GRAMD2B: variants seen among roughly 807,000 people sequenced by gnomAD.
GRAMD2B encodes GRAM domain-containing protein 2B.
A neutral mutation model predicts 59.2 loss-of-function variants in GRAMD2B; 41 were observed. The ratio of observed to expected loss-of-function variants is 0.69; its 90% CI spans 0.54 to 0.90. The LOEUF is 0.90. GRAMD2B is among the 40% of genes least tolerant of loss of function. The probability of loss-of-function intolerance (pLI) is 0.00; values close to 1 mark genes in which losing one functional copy is unlikely to be tolerated. For missense variants in GRAMD2B, 424 were observed against 500.5 expected, an observed-to-expected ratio of 0.85 and a Z score of 1.46; for synonymous variants, 161 against 182.7, an observed-to-expected ratio of 0.88 and a Z score of 0.96.
intron 1 of GRAMD2B, among the ~76,000 whole-genome samples, chr5:126,413,931 T>C (rs930212566): frequency 6.6e-6 from 1 of 152,150 alleles, no homozygotes; most frequent in Non-Finnish European, 1.5e-5. Flanking sequence ...AAGTCACTTG[T>C]CCAACGTAGT....
At chr5:126,492,526 G>T (rs1774135077) in intron 13 of GRAMD2B, among the ~76,000 whole-genome samples, 1 of 151,642 alleles carries the variant, frequency 6.6e-6, no homozygotes, top group Non-Finnish European at 1.5e-5. Flanking sequence ...TTCTAGATCA[G>T]CCTGAGAAAC....
intron 6 of GRAMD2B, among the ~76,000 whole-genome samples, chr5:126,478,675 A>C (rs1244117126): frequency 6.6e-6 from 1 of 152,176 alleles, no homozygotes; most frequent in African/African-American, 2.4e-5. Flanking sequence ...TGGGAGACAG[A>C]GGTTGCAGTG....
At chr5:126,435,039 CT>C (rs370628288) in intron 1 of GRAMD2B, among the ~76,000 whole-genome samples, 177 of 152,244 alleles carry the variant, frequency 1.2e-3, no homozygotes, top group African/African-American at 4.1e-3. Context: ...TGTTCAGTAA[CT>C]TTTATGTGCT....
intron 8 of GRAMD2B, among the ~76,000 whole-genome samples, chr5:126,481,223 GAAAGAAAGA>G (rs1561598961): frequency 1.1e-5 from 1 of 89,074 alleles, no homozygotes; most frequent in Non-Finnish European, 2.3e-5. Flanking sequence ...AAGAAAGAAA[GAAAGAAAGA>G]AAGAAAGAAA....
At chr5:126,475,102 GA>G (rs1279551249) in intron 5 of GRAMD2B, among the ~76,000 whole-genome samples, 2 of 152,094 alleles carry the variant, frequency 1.3e-5, no homozygotes, top group East Asian at 3.8e-4. Context: ...GTTTACCCTG[GA>G]AAAATGTTAC....
intron 1 of GRAMD2B, among the ~76,000 whole-genome samples, chr5:126,408,182 A>G (rs1286395556): frequency 6.6e-6 from 1 of 152,026 alleles, no homozygotes; most frequent in East Asian, 1.9e-4. Flanking sequence ...GCTCCCATGT[A>G]TAAGTGAAAA....
At chr5:126,410,679 A>G (rs916559908) in intron 1 of GRAMD2B, among the ~76,000 whole-genome samples, 4 of 152,190 alleles carry the variant, frequency 2.6e-5, no homozygotes, top group African/African-American at 9.6e-5. Context: ...TTCTTTCCAC[A>G]GTGTCTGAAC....
chr5:126,428,062 G>A (rs966583236), intron 1 of GRAMD2B, among the ~76,000 whole-genome samples: 17 of 152,082 alleles, frequency 1.1e-4, no homozygotes, highest in South Asian at 8.3e-4. Flanking sequence ...GTGAAACCCC[G>A]TCTCTACTAT....
chr5:126,435,775 T>G (rs1421902787), intron 1 of GRAMD2B, among the ~76,000 whole-genome samples: 1 of 152,360 alleles, frequency 6.6e-6, no homozygotes, highest in East Asian at 1.9e-4. Flanking sequence ...CTTTTTAATA[T>G]GAATAGAGTC....
chr5:126,362,967 CCTG>C (rs1754284997), intron 1 of GRAMD2B, among the ~76,000 whole-genome samples: 3 of 152,150 alleles, frequency 2.0e-5, no homozygotes, highest in African/African-American at 4.8e-5. Flanking sequence ...AAATTGATAA[CCTG>C]GACTCTACCA....
intron 1 of GRAMD2B, among the ~76,000 whole-genome samples, chr5:126,410,189 T>A (rs528106401): frequency 6.6e-6 from 1 of 152,204 alleles, no homozygotes; most frequent in Admixed American, 6.5e-5. Flanking sequence ...TTTGGTTCCA[T>A]ATGAACTTTA....
At chr5:126,490,896 T>C (rs1581306372) in intron 13 of GRAMD2B, among the ~76,000 whole-genome samples, 1 of 152,204 alleles carries the variant, frequency 6.6e-6, no homozygotes, top group African/African-American at 2.4e-5. Flanking sequence ...AATTTTTAAC[T>C]CCCTCTTTCC....
At chr5:126,395,169 G>A (rs1757253815) in intron 1 of GRAMD2B, among the ~76,000 whole-genome samples, 1 of 151,980 alleles carries the variant, frequency 6.6e-6, no homozygotes, top group African/African-American at 2.4e-5. Context: ...ACATAAGACT[G>A]GTTAAAAACA....
At chr5:126,391,319 C>CAAAAAA (rs61181985) in intron 1 of GRAMD2B, among the ~76,000 whole-genome samples, 3 of 76,348 alleles carry the variant, frequency 3.9e-5, no homozygotes, top group African/African-American at 4.8e-5. Flanking sequence ...GACTCCATCT[C>CAAAAAA]AAAAAAAAAA....
At chr5:126,475,182 G>A (rs750360986) in intron 5 of GRAMD2B, among the ~76,000 whole-genome samples, 61 of 152,104 alleles carry the variant, frequency 4.0e-4, no homozygotes, top group South Asian at 2.1e-4. Context: ...TCAGCCTGTC[G>A]GTATTTTCAG....
intron 1 of GRAMD2B, 77 bp from the exon 2 acceptor site, chr5:126,465,349 C>A: frequency 6.2e-7 from 1 of 1,602,598 alleles, no homozygotes; most frequent in Non-Finnish European, 8.5e-7. Context: ...CTCTAGAAAA[C>A]CATGTTACTT....
intron 1 of GRAMD2B, among the ~76,000 whole-genome samples, chr5:126,456,830 C>T (rs566286849): frequency 6.6e-6 from 1 of 152,282 alleles, no homozygotes; most frequent in East Asian, 1.9e-4. Context: ...TTTACCTCCC[C>T]CTTTGTTTTT....
At position 126,384,475 on chromosome 5, in the gene GRAMD2B, T is replaced by C. The variant is rs563734208; in HGVS notation, c.125+12908T>C. 8.5e-5 allele frequency among the ~76,000 whole-genome samples: 13 copies of C among 152,254 alleles called. No homozygotes were observed. The South Asian group carries it at 2.5e-3, about 29-fold the overall frequency. On this transcript the variant is annotated intron_variant, in intron 1 of 8. Coordinates refer to the GRAMD2B transcript ENST00000506445. ...AGTATAATCCCGGAGAAAGGGAAAG[T>C]TTCTATTTATTCCTTCAAATAGCCC...
upstream of GRAMD2B, chr5:126,371,294 G>A (rs1754737644): frequency 8.9e-7 from 1 of 1,119,722 alleles, no homozygotes; most frequent in South Asian, 2.0e-5. Context: ...TAAAAACATA[G>A]CCTCAGCTAG....
Sources: gnomAD v4.1 joint callset for allele counts (sites outside exome capture counted in the v4.1 genomes callset) on GRCh38, gnomAD v4.1.1 for gene constraint, MANE v1.5 for transcripts, NCBI Gene and HGNC (gene_info 2026-07-23, HGNC 2026-07-21) for gene names.